Variants in GALNT13 observed in about 807,000 individuals in gnomAD.
The protein encoded by GALNT13 is UDP-GalNAc:polypeptide N-acetylgalactosaminyltransferase 13.
In GALNT13, 28 loss-of-function variants were observed where a neutral mutation model predicts 64.2. The observed-to-expected ratio is 0.44, with a 90% CI of 0.32 to 0.60. The LOEUF is 0.60. Ranked by LOEUF, GALNT13 falls within the 20% of genes least tolerant of loss-of-function variation. The probability of loss-of-function intolerance (pLI) is 0.05; values close to 1 mark genes in which losing one functional copy is unlikely to be tolerated. For missense variants in GALNT13, 577 were observed against 669.8 expected, an observed-to-expected ratio of 0.86 and a Z score of 1.53; for synonymous variants, 214 against 224.6, an observed-to-expected ratio of 0.95 and a Z score of 0.42.
the GALNT13 span, among the ~76,000 whole-genome samples, chr2:153,113,411 T>A: frequency 6.6e-6 from 1 of 151,996 alleles, no homozygotes; most frequent in Non-Finnish European, 1.5e-5. Flanking sequence ...ATTTTTCTGT[T>A]AGTGAGTTGT....
intron 4 of GALNT13, among the ~76,000 whole-genome samples, chr2:154,176,724 G>A (rs1179457604): frequency 1.3e-5 from 2 of 152,100 alleles, no homozygotes; most frequent in Non-Finnish European, 2.9e-5. Flanking sequence ...TTAGTTTGTA[G>A]TGTTTCTATT....
At chr2:154,351,682 C>CAAAAAAAAAAAAAAAAAAAAAAA (rs567606376) in intron 9 of GALNT13, among the ~76,000 whole-genome samples, 3 of 44,686 alleles carry the variant, frequency 6.7e-5, no homozygotes, top group East Asian at 1.0e-3. Context: ...GACTCCGTCT[C>CAAAAAAAAAAAAAAAAAAAAAAA]AAAAAAAAAA....
intron 8 of GALNT13, among the ~76,000 whole-genome samples, chr2:154,262,442 G>A (rs1690751454): frequency 6.6e-6 from 1 of 152,190 alleles, no homozygotes; most frequent in African/African-American, 2.4e-5. Context: ...TCTAATGGAA[G>A]ATAATACACA....
chr2:153,196,408 G>C, the GALNT13 span, among the ~76,000 whole-genome samples: 1 of 152,182 alleles, frequency 6.6e-6, no homozygotes, highest in Non-Finnish European at 1.5e-5. Context: ...GCACACACCT[G>C]GCTGGGCAGT....
At chr2:154,133,473 A>G (rs1682744307) in intron 3 of GALNT13, among the ~76,000 whole-genome samples, 1 of 144,680 alleles carries the variant, frequency 6.9e-6, no homozygotes, top group Non-Finnish European at 1.5e-5. Context: ...TATAATGTCT[A>G]TACATATAGT....
At chr2:153,595,999 C>A in the GALNT13 span, among the ~76,000 whole-genome samples, 14 of 152,084 alleles carry the variant, frequency 9.2e-5, no homozygotes, top group Non-Finnish European at 1.3e-4. Flanking sequence ...ATTTCTTCAC[C>A]CAGGTAAGAT....
At chr2:153,777,420 T>G in the GALNT13 span, among the ~76,000 whole-genome samples, 1 of 152,178 alleles carries the variant, frequency 6.6e-6, no homozygotes, top group Admixed American at 6.5e-5. Flanking sequence ...AAAAGTCATA[T>G]GTTGAAACTT....
chr2:153,252,575 G>C, the GALNT13 span, among the ~76,000 whole-genome samples: 2 of 152,000 alleles, frequency 1.3e-5, no homozygotes, highest in Non-Finnish European at 2.9e-5. Flanking sequence ...GTATTGCCTA[G>C]GTTTTCTTCT....
intron 3 of GALNT13, among the ~76,000 whole-genome samples, chr2:154,022,603 T>A (rs9678641): frequency 0.19 from 28,305 of 152,128 alleles, 3,366 homozygotes; most frequent in Non-Finnish European, 0.26. Flanking sequence ...TTTATTAGTC[T>A]TGCTAGCGGT....
chr2:154,166,904 A>G (rs1685058289), intron 4 of GALNT13, among the ~76,000 whole-genome samples: 1 of 151,444 alleles, frequency 6.6e-6, no homozygotes, highest in South Asian at 2.1e-4. Context: ...GCATGTTCTC[A>G]CTCATAGGTG....
the GALNT13 span, among the ~76,000 whole-genome samples, chr2:153,222,975 A>AG: frequency 2.6e-5 from 4 of 152,056 alleles, no homozygotes; most frequent in African/African-American, 7.2e-5. Context: ...TGACTCGGTG[A>AG]GGGGGGTGTG....
At chr2:153,586,346 G>A in the GALNT13 span, among the ~76,000 whole-genome samples, 1 of 152,058 alleles carries the variant, frequency 6.6e-6, no homozygotes, top group Non-Finnish European at 1.5e-5. Flanking sequence ...AAAGTAAAGG[G>A]GTGGAGATAT....
the GALNT13 span, among the ~76,000 whole-genome samples, chr2:153,235,242 C>CT: frequency 1.3e-5 from 2 of 152,128 alleles, no homozygotes; most frequent in East Asian, 3.9e-4. Flanking sequence ...TAAGTATACT[C>CT]AGTGGCCCAG....
intron 2 of GALNT13, among the ~76,000 whole-genome samples, chr2:153,902,423 G>C (rs942933626): frequency 2.0e-5 from 3 of 152,108 alleles, no homozygotes; most frequent in African/African-American, 7.2e-5. Context: ...GTAAGGACTA[G>C]AGTAAGTGGG....
At chr2:153,899,189 T>C (rs900511071) in intron 1 of GALNT13, among the ~76,000 whole-genome samples, 2 of 152,176 alleles carry the variant, frequency 1.3e-5, no homozygotes, top group African/African-American at 4.8e-5. Context: ...CTGCTCTGGA[T>C]GCAACCTAGA....
chr2:154,356,220 C>G (rs1054589066), intron 9 of GALNT13, among the ~76,000 whole-genome samples: 2 of 151,912 alleles, frequency 1.3e-5, no homozygotes, highest in Non-Finnish European at 2.9e-5. Flanking sequence ...TTAAATCTAA[C>G]TGCTAAGTAG....
intron 1 of GALNT13, among the ~76,000 whole-genome samples, chr2:153,884,578 A>T (rs1162068643): frequency 6.6e-6 from 1 of 151,582 alleles, no homozygotes; most frequent in Non-Finnish European, 1.5e-5. Flanking sequence ...GTCCTGATAA[A>T]GCCATTAATA....
the GALNT13 span, among the ~76,000 whole-genome samples, chr2:153,499,966 G>A: frequency 1.1e-3 from 168 of 152,124 alleles, no homozygotes; most frequent in East Asian, 0.011. Flanking sequence ...CAGCTCTCCC[G>A]CCTGCTGCTT....
chr2:153,492,863 T>A, the GALNT13 span, among the ~76,000 whole-genome samples: 93 of 152,256 alleles, frequency 6.1e-4, 1 homozygote, highest in South Asian at 0.018. Flanking sequence ...ATGGCATAGT[T>A]AAATTAGTAT....
Sources: gnomAD v4.1 joint callset for allele counts (sites outside exome capture counted in the v4.1 genomes callset) on GRCh38, gnomAD v4.1.1 for gene constraint, MANE v1.5 for transcripts, NCBI Gene and HGNC (gene_info 2026-07-23, HGNC 2026-07-21) for gene names.